The following RTN4IP1 variants were observed in gnomAD, a reference collection of about 807,000 sequenced individuals.
RTN4IP1 encodes reticulon 4 interacting protein 1, also known as NAD(P)H oxidoreductase RTN4IP1, mitochondrial.
Under a neutral mutation model 46.6 loss-of-function variants are expected in RTN4IP1, and 32 were observed. That is an observed-to-expected ratio of 0.69 (90% confidence interval 0.52 to 0.92). The LOEUF is 0.92. Among genes scored for constraint, RTN4IP1 ranks in the 40% least tolerant of loss-of-function variants. The probability of loss-of-function intolerance (pLI) is 0.00; values close to 1 mark genes in which losing one functional copy is unlikely to be tolerated. For synonymous variants in RTN4IP1, 167 were observed against 161.8 expected (o/e 1.03, Z -0.24); for missense variants, 424 against 485.8 (o/e 0.87, Z 1.20).
chr6:106,621,335 A>G, intron 3 of RTN4IP1, 90 bp downstream of exon 3: 1 of 974,558 alleles, frequency 1.0e-6, no homozygotes, highest in Non-Finnish European at 1.6e-6. Flanking sequence ...CATCAAACAT[A>G]AACTAGATCT....
At chr6:106,601,679 A>C (rs1195949128) in intron 5 of RTN4IP1, among the ~76,000 whole-genome samples, 3 of 152,028 alleles carry the variant, frequency 2.0e-5, no homozygotes, top group Non-Finnish European at 4.4e-5. Context: ...GGCGTGATCT[A>C]GGCTTACTGA....
At chr6:106,596,840 T>C (rs1775804408) in intron 5 of RTN4IP1, among the ~76,000 whole-genome samples, 1 of 152,222 alleles carries the variant, frequency 6.6e-6, no homozygotes, top group Non-Finnish European at 1.5e-5. Context: ...CCATGATACC[T>C]GAAGGCCTGT....
intron 5 of RTN4IP1, among the ~76,000 whole-genome samples, chr6:106,596,793 C>G (rs1317987392): frequency 6.6e-6 from 1 of 152,092 alleles, no homozygotes; most frequent in African/African-American, 2.4e-5. Context: ...GAACAATATT[C>G]CCCACGTTCT....
chr6:106,593,693 T>A (rs1016089009), intron 5 of RTN4IP1, among the ~76,000 whole-genome samples: 3 of 152,236 alleles, frequency 2.0e-5, no homozygotes, highest in African/African-American at 7.2e-5. Context: ...AACTTATTCA[T>A]AATCTTACCC....
chr6:106,617,159 G>A (rs1399176594), intron 4 of RTN4IP1, among the ~76,000 whole-genome samples: 2 of 152,192 alleles, frequency 1.3e-5, no homozygotes, highest in African/African-American at 4.8e-5. Flanking sequence ...CTCCACAACT[G>A]TGAGAAATAA....
At chr6:106,584,310 T>C (rs1227849203) in intron 7 of RTN4IP1, among the ~76,000 whole-genome samples, 1 of 152,186 alleles carries the variant, frequency 6.6e-6, no homozygotes, top group Non-Finnish European at 1.5e-5. Flanking sequence ...AGGTTCTCCA[T>C]GATACCTCAA....
At position 106,578,802 on chromosome 6, in the gene RTN4IP1, A is replaced by G. The variant is rs186545224; in HGVS notation, c.1083+4526T>C. The stretch of plus-strand genomic sequence containing the variant: ...GGCCTGACTGGGTTTCAGTTAAAAA[A>G]CATTTAACTTCTAGTTTAAGATAAG... On this transcript the variant is annotated intron_variant, in intron 8 of 8. Coordinates refer to ENST00000369063, the MANE Select transcript of RTN4IP1 (RefSeq NM_032730.5). Among the ~76,000 whole-genome samples, 71 of 152,314 alleles carry G rather than the reference A, an allele frequency of 4.7e-4. 1 individual carries two copies. The highest frequency in any genetic ancestry group is 1.7e-3 in the South Asian group (8 of 4,828).
chr6:106,575,759 G>A (rs1402220108), intron 8 of RTN4IP1, among the ~76,000 whole-genome samples: 1 of 152,228 alleles, frequency 6.6e-6, no homozygotes, highest in East Asian at 1.9e-4. Context: ...AGTGGTAAGT[G>A]CAAGGTCAGA....
At chr6:106,588,928 T>A (rs1227419219) in intron 6 of RTN4IP1, among the ~76,000 whole-genome samples, 1 of 151,480 alleles carries the variant, frequency 6.6e-6, no homozygotes, top group Non-Finnish European at 1.5e-5. Context: ...CTGACCAACA[T>A]GGAGAAACCC....
chr6:106,606,586 T>C (rs1159915780), intron 4 of RTN4IP1, among the ~76,000 whole-genome samples: 1 of 152,042 alleles, frequency 6.6e-6, no homozygotes. Flanking sequence ...AAGATTTATA[T>C]AATGAAAACT....
intron 2 of RTN4IP1, 79 bp downstream of exon 2, chr6:106,622,739 A>G: frequency 3.5e-6 from 5 of 1,431,000 alleles, no homozygotes; most frequent in Non-Finnish European, 4.7e-6. Flanking sequence ...TATCTGTGTC[A>G]GTGTGCGTCT....
At chr6:106,617,839 TG>T (rs1234988644) in intron 4 of RTN4IP1, among the ~76,000 whole-genome samples, 2 of 152,236 alleles carry the variant, frequency 1.3e-5, no homozygotes, top group Non-Finnish European at 2.9e-5. Context: ...GAAAACATAA[TG>T]TTTTTAAAGG....
upstream of RTN4IP1, chr6:106,629,829 T>TG: frequency 8.4e-7 from 1 of 1,196,414 alleles, no homozygotes; most frequent in South Asian, 1.3e-5. Context: ...TAGAACTGAG[T>TG]GGGGGATAAG....
intron 8 of RTN4IP1, among the ~76,000 whole-genome samples, chr6:106,575,845 A>G (rs1775213716): frequency 6.6e-6 from 1 of 152,210 alleles, no homozygotes; most frequent in Non-Finnish European, 1.5e-5. Flanking sequence ...GTAATCTGGG[A>G]AGTCACAGTC....
intron 5 of RTN4IP1, among the ~76,000 whole-genome samples, chr6:106,593,128 T>C (rs1003013956): frequency 3.3e-5 from 5 of 152,144 alleles, no homozygotes; most frequent in Admixed American, 6.6e-5. Context: ...TATTAAGTAA[T>C]AGGTAACATA....
chr6:106,586,321 A>G (rs1775482902), intron 7 of RTN4IP1, among the ~76,000 whole-genome samples: 2 of 152,182 alleles, frequency 1.3e-5, no homozygotes, highest in South Asian at 4.1e-4. Context: ...CCACTGAGGA[A>G]CTTTCTACTG....
At chr6:106,606,019 T>TCC (rs1289329116) in intron 4 of RTN4IP1, among the ~76,000 whole-genome samples, 2 of 151,966 alleles carry the variant, frequency 1.3e-5, no homozygotes, top group African/African-American at 2.4e-5. Flanking sequence ...TGTCAAATTG[T>TCC]CCCTCTTTGC....
At chr6:106,572,389 C>T (rs745348514) in intron 8 of RTN4IP1, 17 of 329,304 alleles carry the variant, frequency 5.2e-5, no homozygotes, top group East Asian at 1.0e-4. Flanking sequence ...GCTCCCACTC[C>T]GGCATTCGAA....
chr6:106,591,309 C>T (rs1257302084), intron 6 of RTN4IP1, among the ~76,000 whole-genome samples: 1 of 152,164 alleles, frequency 6.6e-6, no homozygotes, highest in East Asian at 1.9e-4. Context: ...GCTCCCTGAA[C>T]AGTTGAAGGA....
Sources: gnomAD v4.1 joint callset for allele counts (sites outside exome capture counted in the v4.1 genomes callset) on GRCh38, gnomAD v4.1.1 for gene constraint, MANE v1.5 for transcripts, NCBI Gene and HGNC (gene_info 2026-07-23, HGNC 2026-07-21) for gene names.